Variants in RIMS1 observed in about 807,000 individuals in gnomAD.
RIMS1 encodes regulating synaptic membrane exocytosis 1.
A neutral mutation model predicts 214.1 loss-of-function variants in RIMS1; 83 were observed. That is an observed-to-expected ratio of 0.39 (90% CI 0.32 to 0.47). The LOEUF (loss-of-function observed/expected upper bound fraction) is 0.47, where lower values mean the gene tolerates loss of function less well. Among genes scored for constraint, RIMS1 ranks in the 20% least tolerant of loss-of-function variants. The pLI is 0.99. For synonymous variants in RIMS1, 793 were observed against 786.8 expected (o/e 1.01, Z -0.13); for missense variants, 2,050 against 2,161.8 (o/e 0.95, Z 1.03).
chr6:72,332,506 A>G (rs1217483769), intron 28 of RIMS1, among the ~76,000 whole-genome samples: 1 of 119,948 alleles, frequency 8.3e-6, no homozygotes, highest in Non-Finnish European at 1.6e-5. Context: ...GGACACAGGA[A>G]GGGGAACATC....
At chr6:72,179,971 C>T (rs2048195144) in intron 5 of RIMS1, 56 bp downstream of exon 5, 2 of 1,192,770 alleles carry the variant, frequency 1.7e-6, no homozygotes, top group Non-Finnish European at 2.3e-6. Context: ...GAGAGCAAAG[C>T]CGTTTTCAAG....
At chr6:71,938,904 C>T (rs1785242952) in intron 1 of RIMS1, among the ~76,000 whole-genome samples, 1 of 152,196 alleles carries the variant, frequency 6.6e-6, no homozygotes, top group South Asian at 2.1e-4. Context: ...CATGGTCAGG[C>T]TGTGAATTTT....
chr6:72,203,993 G>C (rs1347383338), intron 6 of RIMS1, among the ~76,000 whole-genome samples: 3 of 152,104 alleles, frequency 2.0e-5, no homozygotes, highest in Non-Finnish European at 4.4e-5. Flanking sequence ...CATTTGACTG[G>C]GAAAGTATCC....
At chr6:72,187,479 G>GTTTTTTTTTTTTTTTTT (rs61420518) in intron 6 of RIMS1, among the ~76,000 whole-genome samples, 1 of 125,616 alleles carries the variant, frequency 8.0e-6, no homozygotes. Context: ...TATCCTTTTT[G>GTTTTTTTTTTTTTTTTT]TTTTTTTTTT....
rs555256130 is a variant in RIMS1 at position 72,274,562 on chromosome 6, G to A, written c.3482+130G>A. The A allele has an allele frequency of 1.6e-5, 11 of 686,864 alleles. No individual in the cohort carries two copies. In the East Asian group the frequency reaches 3.0e-4, roughly 19 times the overall value. The allele number at this position is 686,864 out of a possible 1,614,324, so 42.5% of individuals were successfully genotyped here. ...GGAGCCAGAGCCAGATATGTTAGAT[G>A]TAGCCAACTCTGGTAAAGCACCTCA... On this transcript the variant is annotated intron_variant, in intron 23 of 33. Transcript: ENST00000521978.
intron 26 of RIMS1, among the ~76,000 whole-genome samples, chr6:72,302,072 T>C (rs77651987): frequency 0.089 from 13,434 of 151,538 alleles, 738 homozygotes; most frequent in East Asian, 0.14. Flanking sequence ...TGCTGGAAGG[T>C]TCTCTGAGCA....
At chr6:72,036,529 G>A (rs1262963418) in intron 2 of RIMS1, among the ~76,000 whole-genome samples, 1 of 152,086 alleles carries the variant, frequency 6.6e-6, no homozygotes, top group Non-Finnish European at 1.5e-5. Flanking sequence ...AGCCTACAAA[G>A]TAAACAGATC....
At chr6:72,073,041 A>C (rs893075375) in intron 2 of RIMS1, among the ~76,000 whole-genome samples, 1 of 152,148 alleles carries the variant, frequency 6.6e-6, no homozygotes, top group Admixed American at 6.5e-5. Flanking sequence ...ATCCATAGAG[A>C]AATACCTCTT....
At chr6:72,351,439 A>G (rs866013228) in intron 29 of RIMS1, among the ~76,000 whole-genome samples, 3 of 152,192 alleles carry the variant, frequency 2.0e-5, no homozygotes, top group African/African-American at 2.4e-5. Flanking sequence ...TGTTCAGCCC[A>G]TATTATGTAA....
chr6:72,263,004 A>G (rs2078746703), intron 19 of RIMS1: 1 of 699,636 alleles, frequency 1.4e-6, no homozygotes, highest in East Asian at 1.4e-4. Flanking sequence ...AAAAGCTACG[A>G]AAGTTTATTT....
chr6:72,199,501 T>TAAAAATGTCA (rs1239825364), intron 6 of RIMS1, among the ~76,000 whole-genome samples: 2 of 152,082 alleles, frequency 1.3e-5, no homozygotes, highest in Non-Finnish European at 2.9e-5. Flanking sequence ...ATTTAATACT[T>TAAAAATGTCA]AAAAATGTCA....
intron 29 of RIMS1, among the ~76,000 whole-genome samples, chr6:72,355,736 T>C (rs1161217728): frequency 6.6e-6 from 1 of 152,148 alleles, no homozygotes; most frequent in African/African-American, 2.4e-5. Flanking sequence ...GTTTATTGCT[T>C]GGTTAAATGA....
At chr6:72,037,112 C>A (rs1489341091) in intron 2 of RIMS1, among the ~76,000 whole-genome samples, 2 of 151,802 alleles carry the variant, frequency 1.3e-5, no homozygotes, top group South Asian at 2.1e-4. Flanking sequence ...TGTATATTTA[C>A]TTCCTTATAG....
intron 2 of RIMS1, among the ~76,000 whole-genome samples, chr6:72,040,075 A>G (rs1821006244): frequency 6.6e-6 from 1 of 152,128 alleles, no homozygotes; most frequent in Non-Finnish European, 1.5e-5. Flanking sequence ...ACTAACACAA[A>G]AAATTTTTTA....
chr6:72,282,695 G>A (rs2090727130), intron 23 of RIMS1, among the ~76,000 whole-genome samples: 1 of 152,158 alleles, frequency 6.6e-6, no homozygotes, highest in South Asian at 2.1e-4. Flanking sequence ...CCTATAAAAT[G>A]GAAATGACAC....
intron 1 of RIMS1, among the ~76,000 whole-genome samples, chr6:71,905,368 C>T (rs1411516933): frequency 2.0e-5 from 3 of 152,098 alleles, no homozygotes; most frequent in Admixed American, 6.6e-5. Context: ...AGGTGGCCCT[C>T]TTCTATCTTG....
rs371572104 is a variant in RIMS1, at chr6:72,144,432, C to T, written c.472-35143C>T. Among the ~76,000 whole-genome samples, 338 of 152,148 alleles carry T rather than the reference C, an allele frequency of 2.2e-3. 1 individual carries two copies. Among genetic ancestry groups the T allele is most frequent in the African/African-American group, 7.5e-3 (311 of 41,494 alleles). On this transcript the variant is annotated intron_variant, in intron 4 of 33. Transcript: ENST00000521978. The stretch of plus-strand genomic sequence containing the variant: ...TAGTATTTTTCTTGGTCACTTTGCC[C>T]GCTGGGGTCCTCCGTGAAGAGACAT...
intron 28 of RIMS1, among the ~76,000 whole-genome samples, chr6:72,319,176 G>C (rs1250927186): frequency 1.3e-5 from 2 of 152,146 alleles, no homozygotes; most frequent in Non-Finnish European, 2.9e-5. Context: ...AGAGCAAGCA[G>C]AGTTGGATGT....
intron 6 of RIMS1, among the ~76,000 whole-genome samples, chr6:72,200,228 T>C (rs2051699384): frequency 2.0e-5 from 3 of 152,038 alleles, no homozygotes; most frequent in Admixed American, 2.0e-4. Flanking sequence ...AGTTTCTCTT[T>C]CCTTTCTCTT....
Sources: gnomAD v4.1 joint callset for allele counts (sites outside exome capture counted in the v4.1 genomes callset) on GRCh38, gnomAD v4.1.1 for gene constraint, MANE v1.5 for transcripts, NCBI Gene and HGNC (gene_info 2026-07-23, HGNC 2026-07-21) for gene names.